Variants in GPC5 observed in about 807,000 individuals in gnomAD.
GPC5 encodes glypican-5.
Under a neutral mutation model 53.9 loss-of-function variants are expected in GPC5, and 47 were observed. That is an observed-to-expected ratio of 0.87 (90% CI 0.69 to 1.11). GPC5 has a LOEUF of 1.11. GPC5 is among the 50% of genes most tolerant of loss of function. The pLI is 0.00. For missense variants in GPC5, 748 were observed against 713.1 expected (o/e 1.05, Z -0.56); for synonymous variants, 286 against 263.3 (o/e 1.09, Z -0.84).
intron 7 of GPC5, among the ~76,000 whole-genome samples, chr13:92,617,965 G>A (rs1040690198): frequency 6.6e-6 from 1 of 152,120 alleles, no homozygotes; most frequent in African/African-American, 2.4e-5. Context: ...TTTGGCAATA[G>A]CTAAAAGATA....
At chr13:92,375,529 G>A (rs569475778) in intron 7 of GPC5, among the ~76,000 whole-genome samples, 1 of 152,296 alleles carries the variant, frequency 6.6e-6, no homozygotes, top group South Asian at 2.1e-4. Context: ...GGTGTTCAAA[G>A]TGCCTCAGCA....
At chr13:92,846,756 C>G (rs1878625310) in intron 7 of GPC5, among the ~76,000 whole-genome samples, 1 of 152,204 alleles carries the variant, frequency 6.6e-6, no homozygotes, top group Non-Finnish European at 1.5e-5. Flanking sequence ...CTTCTAACAG[C>G]TTTACCTGCA....
At chr13:92,456,234 A>T (rs573181788) in intron 7 of GPC5, among the ~76,000 whole-genome samples, 54 of 152,288 alleles carry the variant, frequency 3.5e-4, no homozygotes, top group Middle Eastern at 3.4e-3. Flanking sequence ...ACACTAAGGA[A>T]CATTGCCTAA....
chr13:91,478,819 ATATACACACACACACATATATATACACAT>A (rs1349784477), intron 2 of GPC5, among the ~76,000 whole-genome samples: 35 of 118,782 alleles, frequency 2.9e-4, no homozygotes, highest in East Asian at 8.8e-4. Context: ...ATATATATAT[ATATACACACACACACATATATATACACAT>A]TATATATATA....
At chr13:91,738,804 CT>C (rs1243899596) in intron 4 of GPC5, among the ~76,000 whole-genome samples, 3 of 151,320 alleles carry the variant, frequency 2.0e-5, no homozygotes, top group Non-Finnish European at 4.4e-5. Context: ...ACCCTCTTCC[CT>C]TTTTTTATGC....
chr13:92,260,263 CA>C (rs1202756078), intron 7 of GPC5, among the ~76,000 whole-genome samples: 1 of 152,104 alleles, frequency 6.6e-6, no homozygotes, highest in Non-Finnish European at 1.5e-5. Context: ...CTCAAATCTC[CA>C]AAAACCTAAT....
chr13:92,291,710 C>T (rs571121353), intron 7 of GPC5, among the ~76,000 whole-genome samples: 1 of 152,320 alleles, frequency 6.6e-6, no homozygotes, highest in Admixed American at 6.5e-5. Flanking sequence ...CTTGCTGCTA[C>T]TCCCTCTTTG....
At chr13:91,960,085 G>T (rs1003715694) in intron 6 of GPC5, among the ~76,000 whole-genome samples, 9 of 151,574 alleles carry the variant, frequency 5.9e-5, no homozygotes, top group African/African-American at 1.5e-4. Context: ...GAGAAATCAG[G>T]CAAGAAAAAG....
chr13:92,529,650 C>T (rs1263067738), intron 7 of GPC5, among the ~76,000 whole-genome samples: 1 of 152,146 alleles, frequency 6.6e-6, no homozygotes, highest in Non-Finnish European at 1.5e-5. Flanking sequence ...CTCAGCTGGA[C>T]TTACATCATT....
At chr13:91,850,035 T>C (rs1023005696) in intron 5 of GPC5, among the ~76,000 whole-genome samples, 1 of 152,148 alleles carries the variant, frequency 6.6e-6, no homozygotes, top group Non-Finnish European at 1.5e-5. Context: ...GGCACTTAAT[T>C]ATAATCTTTT....
chr13:92,696,626 A>T (rs1193245261), intron 7 of GPC5, among the ~76,000 whole-genome samples: 1 of 151,904 alleles, frequency 6.6e-6, no homozygotes, highest in Non-Finnish European at 1.5e-5. Context: ...GATTGCAAAA[A>T]TTTTCTCCCA....
chr13:91,694,133 T>A (rs1398635028), intron 3 of GPC5, among the ~76,000 whole-genome samples: 3 of 152,200 alleles, frequency 2.0e-5, no homozygotes, highest in Non-Finnish European at 2.9e-5. Context: ...TAGATTTGAA[T>A]CTTTAGCCTG....
chr13:92,466,039 G>A (rs1429457310), intron 7 of GPC5, among the ~76,000 whole-genome samples: 2 of 152,014 alleles, frequency 1.3e-5, no homozygotes, highest in Non-Finnish European at 2.9e-5. Flanking sequence ...ATTGCTAGAA[G>A]AGGACACTTT....
intron 7 of GPC5, among the ~76,000 whole-genome samples, chr13:92,184,963 G>A (rs1173219432): frequency 6.6e-6 from 1 of 152,100 alleles, no homozygotes; most frequent in Non-Finnish European, 1.5e-5. Context: ...TTGCTGAAAA[G>A]GTAAAAACAA....
intron 6 of GPC5, among the ~76,000 whole-genome samples, chr13:91,958,160 T>C (rs1448697544): frequency 6.8e-6 from 1 of 146,478 alleles, no homozygotes; most frequent in Non-Finnish European, 1.5e-5. Flanking sequence ...TAAAGACACA[T>C]ATAGACTGAA....
chr13:92,078,010 GATAC>G (rs2041266419), intron 6 of GPC5, among the ~76,000 whole-genome samples: 1 of 151,870 alleles, frequency 6.6e-6, no homozygotes, highest in African/African-American at 2.4e-5. Flanking sequence ...GGCATACGTA[GATAC>G]ATAGGTAGCT....
chr13:91,621,759 CATTATATATATATATAT>C lies in GPC5; in HGVS notation c.326-71425_326-71409del, dbSNP rs1308627710. 3.1e-3 allele frequency among the ~76,000 whole-genome samples: 337 copies of C among 107,354 alleles called. 19 individuals are homozygous for C. The highest frequency in any genetic ancestry group is 8.1e-3 in the South Asian group (28 of 3,476). 70.4% of individuals were successfully genotyped at this position (107,354 alleles called of 152,430 possible). A position where few individuals can be genotyped will look rare whatever the true frequency, so the allele number is the denominator to read the frequency against. Reference sequence around the variant, plus strand: ...GTCAGGGTTCTCTAAAGGGACAGAACATTATATATATATATATATATATATATATATATGAAGGGGAG... The same window carrying C: ...GTCAGGGTTCTCTAAAGGGACAGAACATATATATATATATATGAAGGGGAG... On this transcript the variant is annotated intron_variant, in intron 2 of 7. Coordinates refer to ENST00000377067, the MANE Select transcript of GPC5 (RefSeq NM_004466.6).
At chr13:91,883,327 C>T (rs1298112250) in intron 5 of GPC5, among the ~76,000 whole-genome samples, 1 of 152,184 alleles carries the variant, frequency 6.6e-6, no homozygotes, top group Non-Finnish European at 1.5e-5. Context: ...GATAGAATTA[C>T]TTGTCATACT....
chr13:91,539,623 G>A (rs1052876297), intron 2 of GPC5, among the ~76,000 whole-genome samples: 3 of 152,160 alleles, frequency 2.0e-5, no homozygotes, highest in African/African-American at 7.2e-5. Context: ...AGAGCCACAT[G>A]TGGGGTCAGC....
Sources: gnomAD v4.1 joint callset for allele counts (sites outside exome capture counted in the v4.1 genomes callset) on GRCh38, gnomAD v4.1.1 for gene constraint, MANE v1.5 for transcripts, NCBI Gene and HGNC (gene_info 2026-07-23, HGNC 2026-07-21) for gene names.